SSH2: variants seen among roughly 807,000 people sequenced by gnomAD.
SSH2 encodes slingshot protein phosphatase 2.
SSH2 carries 37 observed loss-of-function variants against 135.2 expected under a neutral mutation model. The ratio of observed to expected loss-of-function variants is 0.27; its 90% CI spans 0.21 to 0.36. The LOEUF is 0.36. Among genes scored for constraint, SSH2 ranks in the 10% least tolerant of loss-of-function variants. SSH2 has a pLI of 1.00. For missense variants in SSH2, 1,408 were observed against 1,765.3 expected, an observed-to-expected ratio of 0.80 and a Z score of 3.63; for synonymous variants, 628 against 646.2, an observed-to-expected ratio of 0.97 and a Z score of 0.43.
intron 3 of SSH2, among the ~76,000 whole-genome samples, chr17:29,758,210 G>T (rs1227567568): frequency 6.6e-6 from 1 of 152,198 alleles, no homozygotes; most frequent in South Asian, 2.1e-4. Context: ...AGCAGTCAAA[G>T]ATAATTCCTC....
intron 1 of SSH2, among the ~76,000 whole-genome samples, chr17:29,899,029 C>T (rs2066497021): frequency 6.6e-6 from 1 of 152,122 alleles, no homozygotes; most frequent in African/African-American, 2.4e-5. Context: ...CGACAAAAAC[C>T]ACACGATTAT....
At chr17:29,852,021 C>G (rs1281334243) in intron 1 of SSH2, among the ~76,000 whole-genome samples, 1 of 151,992 alleles carries the variant, frequency 6.6e-6, no homozygotes, top group East Asian at 1.9e-4. Context: ...GTGGCTCATG[C>G]CTGTAATCCC....
In SSH2 at chr17:29,629,583, ACTC is replaced by A. The variant is rs2035591998; in HGVS notation, c.*1255_*1257del. 6.6e-6 allele frequency: 1 copy of A among 152,584 alleles called. No individual in the cohort carries two copies. The highest frequency in any genetic ancestry group is 2.4e-5 in the African/African-American group (1 of 41,412). 9.5% of individuals were successfully genotyped at this position (152,584 alleles called of 1,614,324 possible). ...GTCTGTGTTTTCCAGTTGCAACTCT[ACTC>A]CTTCTTAAAAAGAATAAATCAAAAT... On this transcript the variant is annotated 3_prime_UTR_variant, in exon 16 of 16. Transcript: ENST00000540801.
intron 3 of SSH2, among the ~76,000 whole-genome samples, chr17:29,729,424 C>T (rs1291374100): frequency 6.6e-6 from 1 of 152,162 alleles, no homozygotes; most frequent in African/African-American, 2.4e-5. Context: ...AAAGGGAACC[C>T]TCATATGCTG....
rs2037786726 is a variant in SSH2 at position 29,677,660 on chromosome 17, G to C, written c.548+13C>G. ...TGGCTTTCTGTAACAGAATAAAAAA[G>C]GAAATCTCTTACCCATCACCATCCA... On this transcript the variant is annotated intron_variant, in intron 7 of 15. Transcript: ENST00000540801. 6.2e-7 allele frequency: 1 copy of C among 1,611,400 alleles called. No individual in the cohort carries two copies. Among genetic ancestry groups the C allele is most frequent in the Non-Finnish European group, 8.5e-7 (1 of 1,177,550 alleles).
intron 1 of SSH2, among the ~76,000 whole-genome samples, chr17:29,919,376 T>C (rs1233263053): frequency 6.6e-6 from 1 of 152,224 alleles, no homozygotes; most frequent in Non-Finnish European, 1.5e-5. Flanking sequence ...TCAGGAAGTC[T>C]AGGGAACCAT....
At chr17:29,740,761 T>C (rs1706835632) in intron 3 of SSH2, among the ~76,000 whole-genome samples, 1 of 152,250 alleles carries the variant, frequency 6.6e-6, no homozygotes. Flanking sequence ...AGTATGATAG[T>C]AACACAGTAA....
chr17:29,914,550 C>T (rs147038552), intron 1 of SSH2, among the ~76,000 whole-genome samples: 1 of 140,192 alleles, frequency 7.1e-6, no homozygotes, highest in African/African-American at 2.6e-5. Flanking sequence ...CAGAGAGAGA[C>T]CCTGTCTGAA....
intron 3 of SSH2, chr17:29,761,088 G>C: frequency 7.8e-7 from 1 of 1,283,398 alleles, no homozygotes; most frequent in Non-Finnish European, 1.0e-6. Flanking sequence ...TGGGGAAAGC[G>C]GCTGCTGAAA....
intron 6 of SSH2, among the ~76,000 whole-genome samples, chr17:29,678,581 A>C (rs1231263923): frequency 3.9e-5 from 6 of 152,240 alleles, no homozygotes; most frequent in African/African-American, 1.4e-4. Flanking sequence ...CAAAATAGAC[A>C]TAACAAAACT....
intron 8 of SSH2, 143 bp from the exon 9 acceptor site, chr17:29,672,272 C>A: frequency 1.7e-6 from 1 of 598,392 alleles, no homozygotes; most frequent in Non-Finnish European, 2.9e-6. Context: ...CAAGATTCTC[C>A]AATTCTGATT....
At chr17:29,662,991 C>T (rs1383457866) in intron 11 of SSH2, among the ~76,000 whole-genome samples, 1 of 152,212 alleles carries the variant, frequency 6.6e-6, no homozygotes, top group Non-Finnish European at 1.5e-5. Flanking sequence ...ATCGGACAGC[C>T]TCCAGGAGAG....
chr17:29,772,381 G>A (rs1037049630), intron 3 of SSH2, among the ~76,000 whole-genome samples: 1 of 151,892 alleles, frequency 6.6e-6, no homozygotes, highest in Admixed American at 6.6e-5. Flanking sequence ...AAGTAGCTGG[G>A]ACTACAGGCG....
intron 3 of SSH2, among the ~76,000 whole-genome samples, chr17:29,757,431 A>G (rs960261123): frequency 5.9e-5 from 9 of 152,164 alleles, no homozygotes; most frequent in African/African-American, 2.2e-4. Context: ...AACAGTGGAT[A>G]TATTTAAGTT....
chr17:29,694,182 A>G (rs1448157655), intron 5 of SSH2, among the ~76,000 whole-genome samples: 1 of 152,198 alleles, frequency 6.6e-6, no homozygotes, highest in Non-Finnish European at 1.5e-5. Context: ...AGGGAAGCCA[A>G]ATGATTGGAC....
chr17:29,838,829 C>G (rs11654382), intron 2 of SSH2: 3,847 of 174,140 alleles, frequency 0.022, 63 homozygotes, highest in Non-Finnish European at 0.031. Flanking sequence ...CTGCATACCT[C>G]ACTCTTCCTG....
chr17:29,710,531 T>A lies in SSH2; in HGVS notation c.189-7469A>T, dbSNP rs544760394. 5.3e-5 allele frequency among the ~76,000 whole-genome samples: 8 copies of A among 152,354 alleles called. No homozygotes were observed. The South Asian group carries it at 8.3e-4, about 16-fold the overall frequency. On this transcript the variant is annotated intron_variant, in intron 3 of 15. Transcript: ENST00000540801. ...ATATTCCACTCTCCCAATATTTTTC[T>A]CCTCCTGATAAGCCTTCTCTGCTTC...
Position 29,629,198 on chromosome 17 carries a change from A to T in SSH2, c.*1643T>A, listed in dbSNP as rs1349584930. The T allele has an allele frequency of 1.3e-5, 2 of 152,550 alleles. No individual in the cohort carries two copies. The highest frequency in any genetic ancestry group is 2.9e-5 in the Non-Finnish European group (2 of 68,046). The allele number at this position is 152,550 out of a possible 1,614,324, so 9.4% of individuals were successfully genotyped here. ...AGGCGCTGCTGCGTTAAGGATCTCC[A>T]CAACAGTAGCAAAACGACAGCATCC... On this transcript the variant is annotated 3_prime_UTR_variant, in exon 16 of 16. Transcript: ENST00000540801.
At chr17:29,861,074 GT>G (rs200537314) in intron 1 of SSH2, among the ~76,000 whole-genome samples, 3 of 150,536 alleles carry the variant, frequency 2.0e-5, no homozygotes, top group Non-Finnish European at 4.4e-5. Flanking sequence ...GGAGTTTTTT[GT>G]TTTTTTTTCT....
Sources: gnomAD v4.1 joint callset for allele counts (sites outside exome capture counted in the v4.1 genomes callset) on GRCh38, gnomAD v4.1.1 for gene constraint, MANE v1.5 for transcripts, NCBI Gene and HGNC (gene_info 2026-07-23, HGNC 2026-07-21) for gene names.